DPP6: variants seen among roughly 807,000 people sequenced by gnomAD.
DPP6 encodes A-type potassium channel modulatory protein DPP6.
DPP6 carries 69 observed loss-of-function variants against 122.6 expected under a neutral mutation model. That is an observed-to-expected ratio of 0.56 (90% CI 0.46 to 0.69). The LOEUF is 0.69. DPP6 is among the 30% of genes least tolerant of loss of function. DPP6 has a pLI of 0.00. For missense variants in DPP6, 928 were observed against 1,116.9 expected (o/e 0.83, Z 2.41); for synonymous variants, 418 against 433.1 (o/e 0.97, Z 0.43).
intron 1 of DPP6, among the ~76,000 whole-genome samples, chr7:154,207,577 A>G (rs1028288272): frequency 6.6e-5 from 10 of 152,214 alleles, no homozygotes; most frequent in African/African-American, 1.7e-4. Flanking sequence ...TAGGGCCTGA[A>G]AACTTTGTAT....
chr7:154,890,945 G>C (rs1248648672), intron 25 of DPP6: 1 of 152,214 alleles, frequency 6.6e-6, no homozygotes, highest in Admixed American at 6.5e-5. Flanking sequence ...TGTAGGTTTT[G>C]GGCCAGATGC....
At chr7:154,740,708 C>G (rs908814116) in intron 8 of DPP6, among the ~76,000 whole-genome samples, 8 of 152,160 alleles carry the variant, frequency 5.3e-5, no homozygotes, top group Non-Finnish European at 1.0e-4. Context: ...AGTAAACATA[C>G]GGGAGCAATG....
At chr7:154,049,563 T>C (rs1160236883), upstream of DPP6, among the ~76,000 whole-genome samples, 3 of 133,856 alleles carry the variant, frequency 2.2e-5, no homozygotes, top group East Asian at 5.9e-4. Context: ...TGCATGCACA[T>C]ACACACGAGG....
intron 8 of DPP6, among the ~76,000 whole-genome samples, chr7:154,749,419 G>A (rs559391137): frequency 4.7e-5 from 7 of 149,556 alleles, no homozygotes; most frequent in Non-Finnish European, 1.0e-4. Flanking sequence ...GAGAGGGTGA[G>A]GGAGCATAGG....
intron 1 of DPP6, among the ~76,000 whole-genome samples, chr7:154,274,226 C>T (rs1803982866): frequency 6.6e-6 from 1 of 152,168 alleles, no homozygotes; most frequent in African/African-American, 2.4e-5. Context: ...TTCTTTTATC[C>T]AAGGCTTCTC....
chr7:154,401,212 A>G (rs1484446242), intron 1 of DPP6, among the ~76,000 whole-genome samples: 2 of 142,744 alleles, frequency 1.4e-5, no homozygotes, highest in African/African-American at 2.8e-5. Context: ...AAACAAAAAC[A>G]AAAACAAAAA....
At chr7:154,785,527 T>C (rs1797285556) in intron 10 of DPP6, among the ~76,000 whole-genome samples, 1 of 152,252 alleles carries the variant, frequency 6.6e-6, no homozygotes, top group South Asian at 2.1e-4. Context: ...AGTTTGTTCA[T>C]GTTACATTAA....
At chr7:154,405,806 T>C in intron 1 of DPP6, among the ~76,000 whole-genome samples, 1 of 152,194 alleles carries the variant, frequency 6.6e-6, no homozygotes, top group East Asian at 1.9e-4. Flanking sequence ...GCAAAATGAA[T>C]ATGTAAAGGT....
intron 1 of DPP6, among the ~76,000 whole-genome samples, chr7:153,932,876 C>A (rs938859838): frequency 6.6e-6 from 1 of 152,108 alleles, no homozygotes; most frequent in Non-Finnish European, 1.5e-5. Context: ...TCCCATAATC[C>A]CCACGTGTTA....
chr7:154,234,131 A>G (rs1390729758), intron 1 of DPP6, among the ~76,000 whole-genome samples: 5 of 152,200 alleles, frequency 3.3e-5, no homozygotes, highest in Non-Finnish European at 7.3e-5. Context: ...AAGTTAGGAC[A>G]ATGTGGCCCA....
chr7:153,915,317 C>A (rs1800260203), intron 1 of DPP6, among the ~76,000 whole-genome samples: 1 of 152,134 alleles, frequency 6.6e-6, no homozygotes, highest in African/African-American at 2.4e-5. Context: ...AGTGATGACA[C>A]CCCCAGTCCC....
At position 154,868,040 on chromosome 7, in the gene DPP6, A is replaced by G; in HGVS notation, c.1760A>G (p.Asn587Ser). 6.2e-7 allele frequency: 1 copy of G among 1,609,458 alleles called. No homozygotes were observed. ...AATGAACATGTCAAGAAGGCCATAAATGACCGACAGATGCCTAAAGTGGAA... is the reference window on the plus strand; with the variant it reads ...AATGAACATGTCAAGAAGGCCATAAGTGACCGACAGATGCCTAAAGTGGAA... Reference protein sequence around the residue: ...ETNEHVKKAINDRQMPKVEYR... With the variant: ...ETNEHVKKAISDRQMPKVEYR... The change falls in exon 18 of 26, where the codon AAT becomes AGT. Residue 587 changes from asparagine to serine, a missense_variant. Asn to Ser is a conservative substitution (Grantham distance 46, BLOSUM62 1). Transcript: ENST00000377770.
chr7:154,867,277 G>A (rs1421938695), intron 17 of DPP6, among the ~76,000 whole-genome samples: 2 of 152,204 alleles, frequency 1.3e-5, no homozygotes, highest in Admixed American at 1.3e-4. Flanking sequence ...TGAACGGAGA[G>A]TTCCTCAGGG....
At chr7:154,855,856 T>G (rs1802789696) in intron 17 of DPP6, among the ~76,000 whole-genome samples, 1 of 152,204 alleles carries the variant, frequency 6.6e-6, no homozygotes, top group Non-Finnish European at 1.5e-5. Flanking sequence ...ATATTTTCAT[T>G]TTGAGTATTT....
chr7:153,942,614 C>T (rs1333723310), intron 1 of DPP6, among the ~76,000 whole-genome samples: 1 of 152,178 alleles, frequency 6.6e-6, no homozygotes, highest in Non-Finnish European at 1.5e-5. Context: ...AATGTAATGT[C>T]AGGAGGTAGC....
intron 1 of DPP6, among the ~76,000 whole-genome samples, chr7:154,180,214 A>G (rs1369601299): frequency 6.6e-6 from 1 of 151,654 alleles, no homozygotes; most frequent in Non-Finnish European, 1.5e-5. Context: ...CAGGCATGGT[A>G]GTGCGCACCT....
At chr7:154,003,174 C>CT (rs1034489668) in intron 1 of DPP6, among the ~76,000 whole-genome samples, 3 of 152,182 alleles carry the variant, frequency 2.0e-5, no homozygotes, top group Admixed American at 6.5e-5. Context: ...ACAAGAACTG[C>CT]TTTGCTCAGT....
intron 1 of DPP6, among the ~76,000 whole-genome samples, chr7:154,105,407 A>AT (rs1176247959): frequency 6.6e-6 from 1 of 152,176 alleles, no homozygotes; most frequent in Non-Finnish European, 1.5e-5. Context: ...CCTGTGTCTG[A>AT]TTCTGTGTGA....
At chr7:154,355,311 C>T (rs1160089210) in intron 1 of DPP6, among the ~76,000 whole-genome samples, 1 of 152,096 alleles carries the variant, frequency 6.6e-6, no homozygotes, top group African/African-American at 2.4e-5. Flanking sequence ...TGCAAATATC[C>T]TTTCTCTGTA....
Sources: gnomAD v4.1 joint callset for allele counts (sites outside exome capture counted in the v4.1 genomes callset) on GRCh38, gnomAD v4.1.1 for gene constraint, MANE v1.5 for transcripts, NCBI Gene and HGNC (gene_info 2026-07-23, HGNC 2026-07-21) for gene names.